The following TRPC4 variants were observed in gnomAD, a reference collection of about 807,000 sequenced individuals.
TRPC4 encodes transient receptor potential cation channel subfamily C member 4.
In TRPC4, 49 loss-of-function variants were observed where a neutral mutation model predicts 99.4. The observed-to-expected ratio is 0.49, with a 90% CI of 0.39 to 0.63. The LOEUF is 0.63. Among genes scored for constraint, TRPC4 ranks in the 20% least tolerant of loss-of-function variants. TRPC4 has a pLI of 0.00. For synonymous variants in TRPC4, 454 were observed against 425.9 expected, an observed-to-expected ratio of 1.07 and a Z score of -0.81; for missense variants, 898 against 1,152.9, an observed-to-expected ratio of 0.78 and a Z score of 3.20.
chr13:37,838,699 C>G (rs1281432345), intron 1 of TRPC4, among the ~76,000 whole-genome samples: 2 of 152,198 alleles, frequency 1.3e-5, no homozygotes, highest in South Asian at 2.1e-4. Flanking sequence ...TCAATATATA[C>G]ACAATATTCA....
chr13:37,842,359 AAAAAAAAAAAAGG>A (rs1311273822), intron 1 of TRPC4, among the ~76,000 whole-genome samples: 7 of 143,970 alleles, frequency 4.9e-5, no homozygotes, highest in African/African-American at 1.5e-4. Flanking sequence ...AAAAAAAAAA[AAAAAAAAAAAAGG>A]AAAAGGAAAA....
At chr13:37,708,189 C>A (rs1954356459) in intron 3 of TRPC4, among the ~76,000 whole-genome samples, 1 of 152,002 alleles carries the variant, frequency 6.6e-6, no homozygotes, top group Non-Finnish European at 1.5e-5. Context: ...CTTTTTGTAG[C>A]TAGATTTTCT....
intron 2 of TRPC4, among the ~76,000 whole-genome samples, chr13:37,782,749 C>T (rs975794497): frequency 2.6e-5 from 4 of 151,472 alleles, no homozygotes; most frequent in African/African-American, 9.7e-5. Context: ...TTTTCCAGGG[C>T]AGGAAATGCA....
intron 3 of TRPC4, among the ~76,000 whole-genome samples, chr13:37,708,288 T>G (rs906315564): frequency 6.6e-6 from 1 of 152,122 alleles, no homozygotes; most frequent in Non-Finnish European, 1.5e-5. Flanking sequence ...GTCCATTTGA[T>G]AGCAAGCAGA....
intron 8 of TRPC4, among the ~76,000 whole-genome samples, chr13:37,647,889 CCT>C (rs1951898950): frequency 6.6e-6 from 1 of 152,222 alleles, no homozygotes; most frequent in Non-Finnish European, 1.5e-5. Context: ...TCAGTTAACC[CCT>C]CTTTTAATAA....
At chr13:37,816,990 T>A (rs534753666) in intron 1 of TRPC4, among the ~76,000 whole-genome samples, 1 of 151,992 alleles carries the variant, frequency 6.6e-6, no homozygotes, top group East Asian at 1.9e-4. Flanking sequence ...CTCACCACTC[T>A]TATTCAACAC....
At chr13:37,677,382 T>C (rs1287906615) in intron 4 of TRPC4, among the ~76,000 whole-genome samples, 9 of 151,480 alleles carry the variant, frequency 5.9e-5, no homozygotes, top group African/African-American at 1.9e-4. Flanking sequence ...AACACACTAA[T>C]GAAAATAAAG....
intron 5 of TRPC4, among the ~76,000 whole-genome samples, chr13:37,669,421 T>C (rs1234672938): frequency 1.3e-5 from 2 of 152,164 alleles, no homozygotes; most frequent in Non-Finnish European, 2.9e-5. Flanking sequence ...ATTGACAAAC[T>C]TTCCTCTAGA....
intron 1 of TRPC4, among the ~76,000 whole-genome samples, chr13:37,813,036 A>C (rs1957749697): frequency 6.6e-6 from 1 of 152,022 alleles, no homozygotes; most frequent in Non-Finnish European, 1.5e-5. Flanking sequence ...ATACCCACCC[A>C]AAATATCTTT....
intron 2 of TRPC4, among the ~76,000 whole-genome samples, chr13:37,751,521 A>G (rs1235405508): frequency 6.6e-6 from 1 of 152,106 alleles, no homozygotes; most frequent in African/African-American, 2.4e-5. Flanking sequence ...AATTATTAAT[A>G]TAAAATGTAA....
At chr13:37,776,989 C>T (rs1025391053) in intron 2 of TRPC4, among the ~76,000 whole-genome samples, 1 of 151,902 alleles carries the variant, frequency 6.6e-6, no homozygotes, top group Non-Finnish European at 1.5e-5. Flanking sequence ...GTACCAATAT[C>T]TTACTTCAGA....
intron 4 of TRPC4, among the ~76,000 whole-genome samples, chr13:37,683,106 C>T (rs1316970228): frequency 6.6e-6 from 1 of 151,924 alleles, no homozygotes; most frequent in East Asian, 1.9e-4. Context: ...ACCAGAAGGA[C>T]AGGTAAGGGT....
At chr13:37,824,830 T>G (rs1191715599) in intron 1 of TRPC4, among the ~76,000 whole-genome samples, 1 of 152,108 alleles carries the variant, frequency 6.6e-6, no homozygotes, top group East Asian at 1.9e-4. Flanking sequence ...TTGATTGGAA[T>G]AGTTTCAGAA....
intron 3 of TRPC4, among the ~76,000 whole-genome samples, chr13:37,698,347 G>C (rs1284330083): frequency 2.7e-5 from 4 of 150,776 alleles, no homozygotes; most frequent in African/African-American, 9.8e-5. Flanking sequence ...ATTTTTAGTA[G>C]AGTCAGGGTT....
intron 1 of TRPC4, among the ~76,000 whole-genome samples, chr13:37,840,349 C>G (rs1347429449): frequency 6.6e-6 from 1 of 152,050 alleles, no homozygotes; most frequent in African/African-American, 2.4e-5. Flanking sequence ...AGTATTTAGA[C>G]AGTTACAAAC....
intron 2 of TRPC4, among the ~76,000 whole-genome samples, chr13:37,779,829 T>G (rs1253078873): frequency 6.6e-6 from 1 of 152,074 alleles, no homozygotes; most frequent in Non-Finnish European, 1.5e-5. Context: ...ATGGTGTTAA[T>G]TTTTTCAAGG....
chr13:37,784,988 T>C (rs1248814388), intron 1 of TRPC4, among the ~76,000 whole-genome samples: 3 of 152,042 alleles, frequency 2.0e-5, no homozygotes, highest in Admixed American at 1.3e-4. Flanking sequence ...AAAAAGTGAG[T>C]GTTCAATATG....
intron 2 of TRPC4, among the ~76,000 whole-genome samples, chr13:37,749,871 A>G (rs1388981738): frequency 3.3e-5 from 5 of 152,132 alleles, no homozygotes; most frequent in Non-Finnish European, 7.4e-5. Flanking sequence ...ATATAGTAAA[A>G]TGCATAAATA....
At chr13:37,831,339 A>C (rs1048032035) in intron 1 of TRPC4, among the ~76,000 whole-genome samples, 1 of 152,210 alleles carries the variant, frequency 6.6e-6, no homozygotes, top group Non-Finnish European at 1.5e-5. Context: ...ATGAGGTATC[A>C]CCTCCCATCT....
Sources: allele counts gnomAD v4.1 joint callset (sites outside exome capture counted in the v4.1 genomes callset), GRCh38; gene constraint gnomAD v4.1.1; transcripts MANE v1.5; gene names NCBI Gene and HGNC (gene_info 2026-07-23, HGNC 2026-07-21).